The following FOXM1 variants were observed in gnomAD, a reference collection of about 807,000 sequenced individuals.
FOXM1 encodes forkhead box M1.
FOXM1 carries 25 observed loss-of-function variants against 63.6 expected under a neutral mutation model. That is an observed-to-expected ratio of 0.39 (90% CI 0.29 to 0.55). The LOEUF (loss-of-function observed/expected upper bound fraction) is 0.55. Among genes scored for constraint, FOXM1 ranks in the 20% least tolerant of loss-of-function variants. FOXM1 has a pLI of 0.60. For missense variants in FOXM1, 879 were observed against 958.7 expected (o/e 0.92, Z 1.10); for synonymous variants, 387 against 376.9 (o/e 1.03, Z -0.31).
At chr12:2,875,782 C>T (rs1355713315) in intron 1 of FOXM1, among the ~76,000 whole-genome samples, 4 of 130,246 alleles carry the variant, frequency 3.1e-5, no homozygotes, top group South Asian at 2.3e-4. Flanking sequence ...TTTTTTGAGA[C>T]GGAGCTTCGC....
At position 2,864,216 on chromosome 12, in the gene FOXM1, A is replaced by G; in HGVS notation, c.1266+104T>C. ...TTTTATGCCTTTTCTACCCAACTAGATTTATAAGCTCTCAAGGAACACTTA... is the reference window on the plus strand; with the variant it reads ...TTTTATGCCTTTTCTACCCAACTAGGTTTATAAGCTCTCAAGGAACACTTA... On this transcript the variant is annotated intron_variant, in intron 8 of 8. Transcript: ENST00000359843. This position sits in a 1 kb window ranked among gnomAD's most constrained non-coding sequence, Gnocchi z 5.1. 1 of 1,040,826 alleles carries G rather than the reference A, an allele frequency of 9.6e-7. No homozygotes were observed. Among genetic ancestry groups the G allele is most frequent in the Non-Finnish European group, 1.4e-6 (1 of 709,410 alleles). The allele number at this position is 1,040,826 out of a possible 1,614,324, so 64.5% of individuals were successfully genotyped here. A position where few individuals can be genotyped will look rare whatever the true frequency, so the allele number is the denominator to read the frequency against.
At position 2,872,282 on chromosome 12, in the gene FOXM1, G is replaced by A; in HGVS notation, c.503-35C>T. ...AAATAATCCAACACCCCACTTAGCT[G>A]CCTCATCAGATGCCCAGGTGTGTCC... is the stretch of plus-strand genomic sequence containing the variant. On this transcript the variant is annotated intron_variant, in intron 2 of 8. Transcript: ENST00000359843. The surrounding 1 kb of genome is among the most constrained non-coding windows in gnomAD (Gnocchi z 4.0). 1 of 1,611,144 alleles carries A rather than the reference G, an allele frequency of 6.2e-7. No individual in the cohort carries two copies. The highest frequency in any genetic ancestry group is 8.5e-7 in the Non-Finnish European group (1 of 1,178,090).
chr12:2,859,520 C>T lies in FOXM1; in HGVS notation c.1410G>A (p.Met470Ile), dbSNP rs2153931694. ...CTTTGATGGGTCTCGCTAAGTGTGG[C>T]ATTTCCTCCCCAGGCTGGATTTCTT... is the stretch of plus-strand genomic sequence containing the variant. ...KEEEIQPGEE[M>I]PHLARPIKVE... Residue 470 changes from methionine (M) to isoleucine (I), a missense_variant, in exon 9 of 9, where the codon ATG (methionine) becomes ATA (isoleucine). Transcript: ENST00000359843. The T allele has an allele frequency of 6.2e-7, 1 of 1,614,054 alleles. No individual in the cohort carries two copies. The highest frequency in any genetic ancestry group is 1.1e-5 in the South Asian group (1 of 91,076).
intron 8 of FOXM1, chr12:2,861,246 C>T (rs2098112260): frequency 1.5e-6 from 1 of 686,146 alleles, no homozygotes; most frequent in Admixed American, 2.5e-5. Context: ...ATAACCAATT[C>T]ATAGAGGACA....
At chr12:2,870,083 T>G (rs1159321114) in intron 3 of FOXM1, among the ~76,000 whole-genome samples, 2 of 151,648 alleles carry the variant, frequency 1.3e-5, no homozygotes, top group Non-Finnish European at 2.9e-5. Flanking sequence ...CTCTGCCTCC[T>G]GGGTTCAAGT....
At chr12:2,859,723 T>A in intron 8 of FOXM1, 60 bp from the exon 9 acceptor site, 1 of 1,257,580 alleles carries the variant, frequency 8.0e-7, no homozygotes. Flanking sequence ...CACAAAAATA[T>A]CACATACGGG....
Position 2,864,746 on chromosome 12 carries a change from T to TCTG in FOXM1, c.1024_1026dup (p.Gln342dup). The TCTG allele has an allele frequency of 6.2e-7, 1 of 1,614,176 alleles. No homozygotes were observed. Among genetic ancestry groups the TCTG allele is most frequent in the Non-Finnish European group, 8.5e-7 (1 of 1,180,026 alleles). ...CGGCGGAGCTCTGGATTCGGTCGTT[T>TCTG]CTGCTGCTGCTTGTGGCAGATGGGG... On this transcript the variant is annotated inframe_insertion, in exon 7 of 9. Coordinates refer to ENST00000359843, the MANE Select transcript of FOXM1 (RefSeq NM_021953.4). This position sits in a 1 kb window ranked among gnomAD's most constrained non-coding sequence, Gnocchi z 5.1.
chr12:2,860,535 A>C lies in FOXM1; in HGVS notation c.1267-872T>G, dbSNP rs2098109314. ...AAGAGATAAACAATAGAAGTAGAAA[A>C]ATATCTTCAGCATAAAAGAAAGAAG... On this transcript the variant is annotated intron_variant, in intron 8 of 8. Transcript: ENST00000359843. Among the ~76,000 whole-genome samples the C allele has an allele frequency of 7.2e-5, 11 of 152,284 alleles. No homozygotes were observed. In the South Asian group the frequency reaches 1.7e-3, roughly 23 times the overall value.
intron 8 of FOXM1, among the ~76,000 whole-genome samples, chr12:2,860,002 A>C (rs1037854249): frequency 1.3e-5 from 2 of 152,260 alleles, no homozygotes; most frequent in Non-Finnish European, 2.9e-5. Context: ...GTTGGTACAC[A>C]ACCCCCAACT....
chr12:2,858,426 C>T lies in FOXM1; in HGVS notation c.*212G>A. On this transcript the variant is annotated 3_prime_UTR_variant, in exon 9 of 9. Coordinates refer to ENST00000359843, the MANE Select transcript of FOXM1 (RefSeq NM_021953.4). ...GTTGTTCCCACCCTTCAGCTCCTGG[C>T]AGGGACAGCAGAGGAATCAGATACT... is the stretch of plus-strand genomic sequence containing the variant. 1.9e-6 allele frequency: 1 copy of T among 536,090 alleles called. No individual in the cohort carries two copies. Among genetic ancestry groups the T allele is most frequent in the Non-Finnish European group, 3.3e-6 (1 of 301,910 alleles). The allele number at this position is 536,090 out of a possible 1,614,324, so 33.2% of individuals were successfully genotyped here. A position where few individuals can be genotyped will look rare whatever the true frequency, so the allele number is the denominator to read the frequency against.
intron 4 of FOXM1, 121 bp from the exon 5 acceptor site, chr12:2,866,642 G>A (rs2098123683): frequency 9.3e-7 from 1 of 1,071,196 alleles, no homozygotes; most frequent in Non-Finnish European, 1.3e-6. Context: ...GCTTCGTCTG[G>A]TGTCTTTGCA....
At chr12:2,860,587 CAG>C (rs1376143426) in intron 8 of FOXM1, among the ~76,000 whole-genome samples, 1 of 152,168 alleles carries the variant, frequency 6.6e-6, no homozygotes, top group Admixed American at 6.6e-5. Flanking sequence ...AGAGCTCTCA[CAG>C]GGGGCTGGGT....
chr12:2,871,403 T>C (rs2098133053), intron 3 of FOXM1, among the ~76,000 whole-genome samples: 1 of 152,138 alleles, frequency 6.6e-6, no homozygotes, highest in African/African-American at 2.4e-5. Flanking sequence ...TCCCAGCCCT[T>C]TGGGAGGCTG....
chr12:2,873,881 AG>A (rs1253477946), intron 2 of FOXM1, 95 bp downstream of exon 2: 45 of 1,390,144 alleles, frequency 3.2e-5, no homozygotes, highest in Middle Eastern at 2.6e-4. Context: ...CTCGGCCAGA[AG>A]CCTGACTGTT....
chr12:2,863,286 G>C (rs376611838), intron 8 of FOXM1, among the ~76,000 whole-genome samples: 8 of 152,298 alleles, frequency 5.3e-5, no homozygotes, highest in African/African-American at 1.9e-4. Context: ...GAGTTAGTCT[G>C]ACCCAGTCAC....
intron 4 of FOXM1, among the ~76,000 whole-genome samples, chr12:2,867,324 C>A (rs950212541): frequency 2.0e-5 from 3 of 151,730 alleles, no homozygotes; most frequent in African/African-American, 7.3e-5. Context: ...AAAAAATTAG[C>A]GGACTGTGGT....
chr12:2,862,618 G>T (rs1458552841), intron 8 of FOXM1, among the ~76,000 whole-genome samples: 1 of 152,132 alleles, frequency 6.6e-6, no homozygotes, highest in Non-Finnish European at 1.5e-5. Flanking sequence ...GCAGCCTCCA[G>T]CTCTGGAGCT....
rs1310990657 is a variant in FOXM1 at position 2,872,905 on chromosome 12, T to A, written c.503-658A>T. On this transcript the variant is annotated intron_variant, in intron 2 of 8. Coordinates refer to ENST00000359843, the MANE Select transcript of FOXM1 (RefSeq NM_021953.4). The surrounding 1 kb of genome is among the most constrained non-coding windows in gnomAD (Gnocchi z 4.0). ...CATCTCTGCAAAAAGAAAAAAAAAA[T>A]TAACTGGGAATGATGGTGCATGCCT... Among the ~76,000 whole-genome samples the A allele has an allele frequency of 1.3e-5, 2 of 151,486 alleles. No homozygotes were observed. Among genetic ancestry groups the A allele is most frequent in the Non-Finnish European group, 2.9e-5 (2 of 67,856 alleles).
In FOXM1 at chr12:2,858,822, C is replaced by A; in HGVS notation, c.2108G>T (p.Gly703Val). ...GCCAGAAACCTGTGGCTCCGGGGAG[C>A]CTGGCTTGGGGACGTCTATATCTGA... ...SPSDIDVPKP[G>V]SPEPQVSGLA... is the part of the protein sequence containing the mutation. The change falls in exon 9 of 9, where the codon GGC becomes GTC. Residue 703 changes from glycine to valine, a missense_variant. Around this residue, in one of 4 missense-constraint regions of FOXM1, gnomAD observed 486 missense variants for 453.5 expected, o/e 1.07. Transcript: ENST00000359843. 6.2e-7 allele frequency: 1 copy of A among 1,614,158 alleles called. No individual in the cohort carries two copies. Among genetic ancestry groups the A allele is most frequent in the Non-Finnish European group, 8.5e-7 (1 of 1,180,030 alleles).
Sources: gnomAD v4.1 joint callset for allele counts (sites outside exome capture counted in the v4.1 genomes callset) on GRCh38, gnomAD v4.1.1 for gene constraint, gnomAD v4.1.1 regional missense constraint, Gnocchi (gnomAD v3.1) non-coding constraint, MANE v1.5 for transcripts, NCBI Gene and HGNC (gene_info 2026-07-23, HGNC 2026-07-21) for gene names.